Variants in ROR2 observed in about 807,000 individuals in gnomAD.
The protein encoded by ROR2 is tyrosine-protein kinase transmembrane receptor ROR2.
In ROR2, 33 loss-of-function variants were observed where a neutral mutation model predicts 74.9. That is an observed-to-expected ratio of 0.44 (90% confidence interval 0.33 to 0.59). ROR2 has a LOEUF of 0.59. ROR2 is among the 20% of genes least tolerant of loss of function. The pLI is 0.02. For synonymous variants in ROR2, 586 were observed against 558.7 expected (o/e 1.05, Z -0.69); for missense variants, 1,216 against 1,313.8 (o/e 0.93, Z 1.15).
chr9:91,779,473 C>T (rs780072802), intron 1 of ROR2, among the ~76,000 whole-genome samples: 5 of 150,996 alleles, frequency 3.3e-5, no homozygotes, highest in East Asian at 3.9e-4. Context: ...CGGGTCCAAG[C>T]GATTCTCCTG....
At chr9:91,944,306 T>C (rs545429346) in intron 1 of ROR2, among the ~76,000 whole-genome samples, 1 of 152,234 alleles carries the variant, frequency 6.6e-6, no homozygotes, top group Non-Finnish European at 1.5e-5. Flanking sequence ...CACTGTCATA[T>C]AGGTGGTCCA....
At chr9:91,783,862 C>T (rs1008159426) in intron 1 of ROR2, among the ~76,000 whole-genome samples, 4 of 152,142 alleles carry the variant, frequency 2.6e-5, no homozygotes, top group Non-Finnish European at 1.5e-5. Flanking sequence ...CCACTGCCCA[C>T]GTCTGGATCT....
In ROR2 at chr9:91,724,993, T is replaced by C; in HGVS notation, c.1501A>G (p.Thr501Ala). 6.2e-7 allele frequency: 1 copy of C among 1,613,816 alleles called. No homozygotes were observed. The change falls in exon 9 of 9, where the codon ACC becomes GCC. Residue 501 changes from threonine to alanine, a missense_variant. Transcript: ENST00000375708. ...HLFGPAPGEQ[T>A]QAVAIKTLKD... ...AGCGTTTTGATGGCCACAGCCTGGG[T>C]CTGCTCCCCCGGGGCAGGGCCGAAC...
At chr9:91,899,155 G>A (rs565343390) in intron 1 of ROR2, among the ~76,000 whole-genome samples, 45 of 152,328 alleles carry the variant, frequency 3.0e-4, no homozygotes, top group African/African-American at 1.1e-3. Flanking sequence ...GAAACACATG[G>A]ACCGGAAAGG....
At chr9:91,744,173 G>A (rs1051831705) in intron 4 of ROR2, among the ~76,000 whole-genome samples, 8 of 150,050 alleles carry the variant, frequency 5.3e-5, no homozygotes, top group Non-Finnish European at 1.0e-4. Context: ...GTCTTGAATG[G>A]GACCTGGCGC....
rs111962580 is a variant in ROR2 at position 91,822,777 on chromosome 9, T to C, written c.98-46959A>G. Among the ~76,000 whole-genome samples the C allele has an allele frequency of 3.1e-3, 466 of 152,242 alleles. 4 individuals are homozygous for C. Among genetic ancestry groups the C allele is most frequent in the African/African-American group, 0.01 (416 of 41,544 alleles). Reference sequence around the variant, plus strand: ...GTGGGAGAAGGGGGCAGCCACCACTTTCACCAGGTGGTCGGATTTAGCATC... The same window carrying C: ...GTGGGAGAAGGGGGCAGCCACCACTCTCACCAGGTGGTCGGATTTAGCATC... On this transcript the variant is annotated intron_variant, in intron 1 of 8. Coordinates refer to ENST00000375708, the MANE Select transcript of ROR2 (RefSeq NM_004560.4).
intron 1 of ROR2, among the ~76,000 whole-genome samples, chr9:91,866,647 C>T (rs947319091): frequency 6.6e-6 from 1 of 151,938 alleles, no homozygotes; most frequent in African/African-American, 2.4e-5. Context: ...CTGCACTGAA[C>T]AGTAAGGGAG....
chr9:91,770,314 A>G (rs1199549089), intron 2 of ROR2, among the ~76,000 whole-genome samples: 2 of 152,182 alleles, frequency 1.3e-5, no homozygotes, highest in Admixed American at 6.5e-5. Context: ...ACAGGCTACA[A>G]TCACCTGGCA....
In ROR2 at chr9:91,838,657, T is replaced by C. The variant is rs1587769394; in HGVS notation, c.98-62839A>G. Among the ~76,000 whole-genome samples the C allele has an allele frequency of 3.3e-5, 5 of 152,222 alleles. 1 individual carries two copies. The highest frequency in any genetic ancestry group is 3.3e-4 in the Admixed American group (5 of 15,294). ...ACCCCAGCATGGCTGTCTCGGCCCC[T>C]TGGGAATAGAGACCCCGAGCACCAC... On this transcript the variant is annotated intron_variant, in intron 1 of 8. Coordinates refer to ENST00000375708, the MANE Select transcript of ROR2 (RefSeq NM_004560.4).
intron 1 of ROR2, among the ~76,000 whole-genome samples, chr9:91,900,087 G>GT (rs1830633324): frequency 6.6e-6 from 1 of 152,208 alleles, no homozygotes; most frequent in African/African-American, 2.4e-5. Context: ...GCACTCACCA[G>GT]TAAGATAAGT....
At chr9:91,826,121 T>A (rs748683092) in intron 1 of ROR2, among the ~76,000 whole-genome samples, 6 of 152,180 alleles carry the variant, frequency 3.9e-5, no homozygotes, top group Non-Finnish European at 5.9e-5. Flanking sequence ...AAAGCCCACC[T>A]TGGCCAGGGC....
chr9:91,791,076 G>A (rs192949837), intron 1 of ROR2, among the ~76,000 whole-genome samples: 7 of 152,116 alleles, frequency 4.6e-5, no homozygotes, highest in Admixed American at 3.9e-4. Flanking sequence ...TTATAAAATC[G>A]ACAGCAGTGT....
At chr9:91,908,380 A>C (rs1349049593) in intron 1 of ROR2, among the ~76,000 whole-genome samples, 4 of 152,260 alleles carry the variant, frequency 2.6e-5, no homozygotes, top group African/African-American at 9.6e-5. Context: ...AAAATGTAAT[A>C]GTAAAAACAT....
At chr9:91,837,262 C>T (rs559636935) in intron 1 of ROR2, among the ~76,000 whole-genome samples, 8 of 152,212 alleles carry the variant, frequency 5.3e-5, no homozygotes, top group East Asian at 1.9e-4. Context: ...TTAGTACAGA[C>T]GGGGTTTCAC....
chr9:91,863,184 G>C (rs909440688), intron 1 of ROR2, among the ~76,000 whole-genome samples: 3 of 152,226 alleles, frequency 2.0e-5, no homozygotes, highest in African/African-American at 7.2e-5. Flanking sequence ...AACAAGCCCA[G>C]CTAATTTTTA....
chr9:91,726,405 T>C (rs1424069636), intron 8 of ROR2, 136 bp downstream of exon 8: 2 of 851,638 alleles, frequency 2.3e-6, no homozygotes, highest in Non-Finnish European at 3.8e-6. Context: ...AAAAAAAAAA[T>C]GGCAAAATGA....
intron 1 of ROR2, among the ~76,000 whole-genome samples, chr9:91,778,867 G>A (rs765817909): frequency 2.6e-5 from 4 of 152,114 alleles, no homozygotes; most frequent in Non-Finnish European, 2.9e-5. Flanking sequence ...GGGGAGTAGT[G>A]ATTTATAAGC....
At chr9:91,796,306 G>A (rs1049906228) in intron 1 of ROR2, among the ~76,000 whole-genome samples, 6 of 151,974 alleles carry the variant, frequency 3.9e-5, no homozygotes, top group Non-Finnish European at 7.4e-5. Context: ...GGTGACGCAC[G>A]CCAGTAATCT....
At chr9:91,827,934 C>T (rs1194239289) in intron 1 of ROR2, among the ~76,000 whole-genome samples, 1 of 152,198 alleles carries the variant, frequency 6.6e-6, no homozygotes, top group Non-Finnish European at 1.5e-5. Flanking sequence ...GTTTTTGCAG[C>T]TTTTTTATGT....
Sources: gnomAD v4.1 joint callset for allele counts (sites outside exome capture counted in the v4.1 genomes callset) on GRCh38, gnomAD v4.1.1 for gene constraint, MANE v1.5 for transcripts, NCBI Gene and HGNC (gene_info 2026-07-23, HGNC 2026-07-21) for gene names.